Variants in GPC5 observed in about 807,000 individuals in gnomAD.
GPC5 encodes glypican-5.
In GPC5, 47 loss-of-function variants were observed where a neutral mutation model predicts 53.9. That is an observed-to-expected ratio of 0.87 (90% confidence interval 0.69 to 1.11). GPC5 has a LOEUF of 1.11. Ranked by LOEUF, GPC5 falls within the 50% of genes most tolerant of loss-of-function variation. The pLI is 0.00. For synonymous variants in GPC5, 286 were observed against 263.3 expected (o/e 1.09, Z -0.84); for missense variants, 748 against 713.1 (o/e 1.05, Z -0.56).
chr13:92,500,874 C>T (rs189790214), intron 7 of GPC5, among the ~76,000 whole-genome samples: 36 of 151,878 alleles, frequency 2.4e-4, no homozygotes, highest in African/African-American at 8.4e-4. Context: ...GATAAAAGAC[C>T]AAAAAAGGGA....
At chr13:91,805,042 G>C (rs2038197755) in intron 5 of GPC5, among the ~76,000 whole-genome samples, 1 of 152,184 alleles carries the variant, frequency 6.6e-6, no homozygotes, top group South Asian at 2.1e-4. Context: ...TGAACCACAT[G>C]GCAGAACATA....
intron 7 of GPC5, among the ~76,000 whole-genome samples, chr13:92,440,805 G>A (rs1014495427): frequency 1.3e-5 from 2 of 152,106 alleles, no homozygotes; most frequent in East Asian, 1.9e-4. Flanking sequence ...GGTGTGAAAT[G>A]GTATCTTATT....
At chr13:92,724,906 ACACAC>A (rs1453149409) in intron 7 of GPC5, among the ~76,000 whole-genome samples, 5 of 150,296 alleles carry the variant, frequency 3.3e-5, no homozygotes, top group African/African-American at 9.8e-5. Context: ...ACACACACAC[ACACAC>A]AAGAAAGAAA....
chr13:91,686,346 A>C (rs1361700818), intron 2 of GPC5, among the ~76,000 whole-genome samples: 1 of 152,046 alleles, frequency 6.6e-6, no homozygotes, highest in Non-Finnish European at 1.5e-5. Context: ...TTGTCCTAGA[A>C]GATAAGATTA....
At chr13:92,667,577 A>G (rs1056998833) in intron 7 of GPC5, among the ~76,000 whole-genome samples, 29 of 152,242 alleles carry the variant, frequency 1.9e-4, no homozygotes, top group Admixed American at 1.6e-3. Flanking sequence ...GATCTTAGTG[A>G]AGGGCATATT....
intron 6 of GPC5, among the ~76,000 whole-genome samples, chr13:92,116,522 C>T (rs775528088): frequency 7.9e-5 from 12 of 152,122 alleles, no homozygotes; most frequent in East Asian, 1.9e-4. Flanking sequence ...AGCTGCTGTA[C>T]GCATTTGTGT....
chr13:91,633,733 T>A (rs2034217792), intron 2 of GPC5, among the ~76,000 whole-genome samples: 2 of 152,112 alleles, frequency 1.3e-5, no homozygotes. Flanking sequence ...TCTGGGGACT[T>A]TCAGGGCAAA....
At chr13:92,481,766 G>C (rs1303279141) in intron 7 of GPC5, among the ~76,000 whole-genome samples, 3 of 152,214 alleles carry the variant, frequency 2.0e-5, no homozygotes, top group African/African-American at 2.4e-5. Flanking sequence ...ATTCTATTGG[G>C]AGAGAAGAAG....
chr13:91,877,637 G>A (rs1033777468), intron 5 of GPC5, among the ~76,000 whole-genome samples: 2 of 152,146 alleles, frequency 1.3e-5, no homozygotes, highest in Non-Finnish European at 2.9e-5. Context: ...AGGCTTATAG[G>A]TGGAAGGAAC....
rs189912955 is a variant in GPC5 at position 91,932,923 on chromosome 13, G to T, written c.1401+24866G>T. Among the ~76,000 whole-genome samples the T allele has an allele frequency of 1.5e-4, 23 of 152,006 alleles. No homozygotes were observed. The East Asian group carries it at 3.9e-3, about 26-fold the overall frequency. On this transcript the variant is annotated intron_variant, in intron 6 of 7. Transcript: ENST00000377067. ...CAAGTAGGGAAATACAGATGGGAGG[G>T]TTTGCTTAGTAAATAAGTTCATAAA... is the stretch of plus-strand genomic sequence containing the variant.
chr13:91,501,543 G>T lies in GPC5; in HGVS notation c.325+52621G>T, dbSNP rs183045233. 3.9e-3 allele frequency among the ~76,000 whole-genome samples: 595 copies of T among 152,216 alleles called. 5 individuals carry two copies. The highest frequency in any genetic ancestry group is 0.013 in the African/African-American group (549 of 41,538). ...AGTTTGCTAAGAATGATGGTTTCCA[G>T]CTTCATCCATGTCCCTACAAAGGAC... On this transcript the variant is annotated intron_variant, in intron 2 of 7. Coordinates refer to ENST00000377067, the MANE Select transcript of GPC5 (RefSeq NM_004466.6).
chr13:91,522,960 T>A (rs1243937972), intron 2 of GPC5, among the ~76,000 whole-genome samples: 1 of 152,204 alleles, frequency 6.6e-6, no homozygotes, highest in Non-Finnish European at 1.5e-5. Flanking sequence ...TTGTGAATAG[T>A]GCTGCAGTAA....
intron 1 of GPC5, among the ~76,000 whole-genome samples, chr13:91,420,006 T>A (rs1271383588): frequency 1.3e-5 from 2 of 152,150 alleles, no homozygotes; most frequent in Non-Finnish European, 2.9e-5. Context: ...AGTGGTTAAA[T>A]TTGGGCCTGG....
intron 6 of GPC5, among the ~76,000 whole-genome samples, chr13:91,950,912 A>G (rs2040020474): frequency 6.6e-6 from 1 of 152,160 alleles, no homozygotes; most frequent in South Asian, 2.1e-4. Context: ...CCCAGGGACT[A>G]TGGCTACAGA....
In GPC5 at chr13:92,343,569, T is replaced by C. The variant is rs180952122; in HGVS notation, c.1561+198580T>C. Reference sequence around the variant, plus strand: ...AGGCTATTTAGATATGAATCAGAAATGTATTGAAACATAATAATATAATTA... The same window carrying C: ...AGGCTATTTAGATATGAATCAGAAACGTATTGAAACATAATAATATAATTA... On this transcript the variant is annotated intron_variant, in intron 7 of 7. Coordinates refer to ENST00000377067, the MANE Select transcript of GPC5 (RefSeq NM_004466.6). Among the ~76,000 whole-genome samples, 70 of 152,234 alleles carry C rather than the reference T, an allele frequency of 4.6e-4. 1 individual carries two copies. Among genetic ancestry groups the C allele is most frequent in the Admixed American group, 3.0e-3 (46 of 15,264 alleles).
chr13:91,433,042 T>A (rs1879620389), intron 1 of GPC5, among the ~76,000 whole-genome samples: 1 of 152,144 alleles, frequency 6.6e-6, no homozygotes, highest in African/African-American at 2.4e-5. Context: ...CAAAGGTGGT[T>A]CTTATCCTAT....
At chr13:92,315,299 A>T (rs2043171603) in intron 7 of GPC5, among the ~76,000 whole-genome samples, 1 of 151,998 alleles carries the variant, frequency 6.6e-6, no homozygotes, top group African/African-American at 2.4e-5. Context: ...TTTCTGGGAG[A>T]TTCGGGTAGG....
chr13:91,855,152 G>T (rs1354699854), intron 5 of GPC5, among the ~76,000 whole-genome samples: 2 of 151,580 alleles, frequency 1.3e-5, no homozygotes, highest in African/African-American at 4.8e-5. Context: ...TGTAAAATTC[G>T]ATAAAGACAA....
chr13:92,003,653 T>A (rs1233536785), intron 6 of GPC5, among the ~76,000 whole-genome samples: 1 of 152,320 alleles, frequency 6.6e-6, no homozygotes, highest in East Asian at 1.9e-4. Context: ...AATTCTTGAT[T>A]GTAATAGTGC....
Sources: allele counts gnomAD v4.1 joint callset (sites outside exome capture counted in the v4.1 genomes callset), GRCh38; gene constraint gnomAD v4.1.1; transcripts MANE v1.5; gene names NCBI Gene and HGNC (gene_info 2026-07-23, HGNC 2026-07-21).